Variants in ZNF362 observed in about 807,000 individuals in gnomAD.
The protein encoded by ZNF362 is rotund homolog.
A neutral mutation model predicts 42.9 loss-of-function variants in ZNF362; 11 were observed. The observed-to-expected ratio is 0.26, with a 90% CI of 0.16 to 0.42. ZNF362 has a LOEUF of 0.42. Ranked by LOEUF, ZNF362 falls within the 20% of genes least tolerant of loss-of-function variation. The probability of loss-of-function intolerance (pLI) is 1.00; values close to 1 mark genes in which losing one functional copy is unlikely to be tolerated. For synonymous variants in ZNF362, 255 were observed against 257.3 expected, an observed-to-expected ratio of 0.99 and a Z score of 0.09; for missense variants, 362 against 576.2, an observed-to-expected ratio of 0.63 and a Z score of 3.81.
the ZNF362 span, among the ~76,000 whole-genome samples, chr1:33,196,495 T>A: frequency 6.6e-6 from 1 of 152,228 alleles, no homozygotes; most frequent in South Asian, 2.1e-4. Context: ...AGTCCACATC[T>A]CGCCCCACTG....
chr1:33,179,694 A>G, the ZNF362 span, among the ~76,000 whole-genome samples: 1 of 152,172 alleles, frequency 6.6e-6, no homozygotes, highest in Non-Finnish European at 1.5e-5. Context: ...GATAGGAGAA[A>G]TAAGATTCTG....
chr1:33,156,599 G>A, the ZNF362 span, among the ~76,000 whole-genome samples: 8 of 152,262 alleles, frequency 5.3e-5, 1 homozygote, highest in Middle Eastern at 6.8e-3. Context: ...CGGGGCTCCT[G>A]ATGTTAGGGC....
the ZNF362 span, among the ~76,000 whole-genome samples, chr1:33,213,671 C>T: frequency 6.6e-6 from 1 of 151,934 alleles, no homozygotes; most frequent in Admixed American, 6.6e-5. Flanking sequence ...ATGGTGAAAC[C>T]CCATCTCTAC....
chr1:33,257,373 T>G (rs1645800671), intron 1 of ZNF362, among the ~76,000 whole-genome samples: 1 of 151,112 alleles, frequency 6.6e-6, no homozygotes, highest in African/African-American at 2.4e-5. Context: ...GCTGGGAATT[T>G]AAAGTTAACT....
At chr1:33,223,893 CAAAAAAAA>C in the ZNF362 span, among the ~76,000 whole-genome samples, 1 of 85,440 alleles carries the variant, frequency 1.2e-5, no homozygotes. Flanking sequence ...AACTCCATCT[CAAAAAAAA>C]AAAAAAAAAG....
chr1:33,223,893 CAAAA>C, the ZNF362 span, among the ~76,000 whole-genome samples: 1 of 85,408 alleles, frequency 1.2e-5, no homozygotes, highest in Non-Finnish European at 2.3e-5. Context: ...AACTCCATCT[CAAAA>C]AAAAAAAAAA....
chr1:33,265,885 T>C (rs932951118), intron 1 of ZNF362, among the ~76,000 whole-genome samples: 2 of 152,194 alleles, frequency 1.3e-5, no homozygotes, highest in Non-Finnish European at 1.5e-5. Flanking sequence ...CCCACCCTTC[T>C]TCCCTTGTGA....
the ZNF362 span, among the ~76,000 whole-genome samples, chr1:33,210,966 C>A: frequency 2.0e-5 from 3 of 149,970 alleles, no homozygotes; most frequent in South Asian, 2.1e-4. Context: ...CAGAGACTCA[C>A]TCTGTCACCC....
chr1:33,159,391 C>A, the ZNF362 span, among the ~76,000 whole-genome samples: 1 of 151,940 alleles, frequency 6.6e-6, no homozygotes, highest in South Asian at 2.1e-4. The surrounding 1 kb of genome is among the most constrained non-coding windows in gnomAD (Gnocchi z 4.2). Flanking sequence ...TCTTTATTCC[C>A]AGATCCTTTC....
chr1:33,174,903 GTGTA>G, the ZNF362 span, among the ~76,000 whole-genome samples: 1 of 141,076 alleles, frequency 7.1e-6, no homozygotes, highest in Admixed American at 7.3e-5. Context: ...ATGTGTGTGT[GTGTA>G]TATATATATA....
intron 6 of ZNF362, among the ~76,000 whole-genome samples, chr1:33,285,138 G>C (rs1212028291): frequency 6.6e-6 from 1 of 152,164 alleles, no homozygotes; most frequent in Admixed American, 6.5e-5. Flanking sequence ...TGGTAGGCTG[G>C]CACGGTGGCT....
Position 33,276,590 on chromosome 1 carries a change from C to G in ZNF362, c.345C>G (p.Val115=), listed in dbSNP as rs1439935875. 3.3e-5 allele frequency: 44 copies of G among 1,347,652 alleles called. No homozygotes were observed. Among genetic ancestry groups the G allele is most frequent in the Non-Finnish European group, 4.2e-5 (44 of 1,055,338 alleles). 83.5% of individuals were successfully genotyped at this position (1,347,652 alleles called of 1,614,324 possible). ...ALHARPATST[V]TGLGLSTRTP... ...ACGCACGGCCGGCCACCAGCACCGTCACAGGTAGGCCGAGCGGGCGGGGCC... is the reference window on the plus strand; with the variant it reads ...ACGCACGGCCGGCCACCAGCACCGTGACAGGTAGGCCGAGCGGGCGGGGCC... Residue 115 remains valine, a synonymous_variant, in exon 4 of 9, where the codon GTC becomes GTG. Coordinates refer to ENST00000539719, the MANE Select transcript of ZNF362 (RefSeq NM_152493.3).
chr1:33,295,023 C>T lies in ZNF362; in HGVS notation c.987+8C>T, dbSNP rs758258943. The T allele has an allele frequency of 1.2e-6, 2 of 1,613,860 alleles. No individual in the cohort carries two copies. Among genetic ancestry groups the T allele is most frequent in the South Asian group, 2.2e-5 (2 of 91,066 alleles). On this transcript the variant is annotated splice_region_variant and intron_variant, in intron 7 of 8. Transcript: ENST00000539719. ...CAGCTCTCCAACCTCCAGGTGAGTGCCTGCCTGCCTCCTGCCCACCAGGTG... is the reference window on the plus strand; with the variant it reads ...CAGCTCTCCAACCTCCAGGTGAGTGTCTGCCTGCCTCCTGCCCACCAGGTG...
intron 6 of ZNF362, among the ~76,000 whole-genome samples, chr1:33,291,566 A>G (rs902398446): frequency 2.0e-5 from 3 of 152,178 alleles, no homozygotes; most frequent in African/African-American, 7.2e-5. Flanking sequence ...TTGGTTCCAT[A>G]TGAACTTTAA....
At chr1:33,211,222 C>T in the ZNF362 span, among the ~76,000 whole-genome samples, 26,147 of 152,108 alleles carry the variant, frequency 0.17, 2,682 homozygotes, top group East Asian at 0.31. Flanking sequence ...TGTGAGCCAC[C>T]GCGCCAGGCC....
At chr1:33,157,740 T>G in the ZNF362 span, among the ~76,000 whole-genome samples, 2 of 151,898 alleles carry the variant, frequency 1.3e-5, no homozygotes, top group Admixed American at 1.3e-4. Flanking sequence ...TAATGGAACC[T>G]ATCTCATGTT....
chr1:33,180,671 G>A, the ZNF362 span, among the ~76,000 whole-genome samples: 5 of 152,142 alleles, frequency 3.3e-5, no homozygotes, highest in Admixed American at 6.5e-5. Context: ...ATTCCGGTTC[G>A]TCCACAACCC....
intron 6 of ZNF362, among the ~76,000 whole-genome samples, chr1:33,291,992 A>G (rs1417154078): frequency 6.6e-6 from 1 of 152,154 alleles, no homozygotes; most frequent in Non-Finnish European, 1.5e-5. Flanking sequence ...TTTTCTAGAT[A>G]TACAGTCATG....
At chr1:33,185,783 A>G in the ZNF362 span, among the ~76,000 whole-genome samples, 3 of 152,042 alleles carry the variant, frequency 2.0e-5, no homozygotes, top group African/African-American at 7.2e-5. Flanking sequence ...TTTTTCTGGA[A>G]AGCTATCCAA....
Sources: allele counts gnomAD v4.1 joint callset (sites outside exome capture counted in the v4.1 genomes callset), GRCh38; gene constraint gnomAD v4.1.1; non-coding constraint Gnocchi (gnomAD v3.1); transcripts MANE v1.5; gene names NCBI Gene and HGNC (gene_info 2026-07-23, HGNC 2026-07-21).